The following GSTCD variants were observed in gnomAD, a reference collection of about 807,000 sequenced individuals.
GSTCD encodes the protein glutathione S-transferase C-terminal domain-containing protein.
In GSTCD, 44 loss-of-function variants were observed where a neutral mutation model predicts 68.3. The observed-to-expected ratio is 0.64, with a 90% CI of 0.51 to 0.83. The LOEUF is 0.83. Ranked by LOEUF, GSTCD falls within the 40% of genes least tolerant of loss-of-function variation. GSTCD has a pLI of 0.00. For synonymous variants in GSTCD, 273 were observed against 255.2 expected, an observed-to-expected ratio of 1.07 and a Z score of -0.67; for missense variants, 739 against 735.9, an observed-to-expected ratio of 1.00 and a Z score of -0.05.
intron 3 of GSTCD, among the ~76,000 whole-genome samples, chr4:105,721,544 A>G (rs570154629): frequency 1.3e-5 from 2 of 152,332 alleles, no homozygotes; most frequent in Admixed American, 6.5e-5. Flanking sequence ...GGTTTGAATT[A>G]CTAAGGGTCA....
intron 5 of GSTCD, among the ~76,000 whole-genome samples, chr4:105,817,463 T>C (rs1723054359): frequency 1.3e-5 from 2 of 151,928 alleles, no homozygotes. Context: ...GATGATTTCA[T>C]AGACTGAACT....
intron 5 of GSTCD, among the ~76,000 whole-genome samples, chr4:105,733,389 A>C (rs1733328408): frequency 6.6e-6 from 1 of 152,196 alleles, no homozygotes; most frequent in Admixed American, 6.5e-5. Flanking sequence ...GGGTGCATAT[A>C]TATTTAGGAT....
At chr4:105,718,798 G>C (rs1345980104) in intron 2 of GSTCD, among the ~76,000 whole-genome samples, 1 of 152,124 alleles carries the variant, frequency 6.6e-6, no homozygotes, top group Non-Finnish European at 1.5e-5. Flanking sequence ...GGGGCTAGGA[G>C]GAGGGTAGGA....
chr4:105,736,336 T>C (rs916510338), intron 5 of GSTCD, among the ~76,000 whole-genome samples: 11 of 152,182 alleles, frequency 7.2e-5, no homozygotes, highest in Admixed American at 2.6e-4. Context: ...TTGTGGGGCT[T>C]GGATTAAGGG....
intron 5 of GSTCD, among the ~76,000 whole-genome samples, chr4:105,803,034 A>G (rs187608363): frequency 6.6e-6 from 1 of 152,244 alleles, no homozygotes; most frequent in East Asian, 1.9e-4. Flanking sequence ...ATTTCTCACA[A>G]TAGTCCTACA....
chr4:105,845,097 A>C (rs1724496516), intron 11 of GSTCD, among the ~76,000 whole-genome samples: 1 of 152,212 alleles, frequency 6.6e-6, no homozygotes, highest in Non-Finnish European at 1.5e-5. Context: ...CAGATAATCT[A>C]GTTTTATAGG....
At chr4:105,758,035 C>T (rs902028191) in intron 5 of GSTCD, among the ~76,000 whole-genome samples, 41 of 152,158 alleles carry the variant, frequency 2.7e-4, no homozygotes, top group African/African-American at 8.9e-4. Flanking sequence ...AATTCAGCTA[C>T]TTCACATGGT....
At chr4:105,751,822 GAAAC>G (rs1197107209) in intron 5 of GSTCD, among the ~76,000 whole-genome samples, 2 of 152,102 alleles carry the variant, frequency 1.3e-5, no homozygotes, top group Non-Finnish European at 2.9e-5. Context: ...ACTGAAAACT[GAAAC>G]TAAGTATCTT....
intron 8 of GSTCD, among the ~76,000 whole-genome samples, chr4:105,830,209 AG>A (rs1401578180): frequency 2.0e-5 from 3 of 152,344 alleles, no homozygotes; most frequent in Non-Finnish European, 4.4e-5. Context: ...CAGAACACCA[AG>A]GGTGAACAGA....
chr4:105,812,236 C>G (rs1722783041), intron 5 of GSTCD, among the ~76,000 whole-genome samples: 1 of 152,162 alleles, frequency 6.6e-6, no homozygotes, highest in Non-Finnish European at 1.5e-5. Context: ...TAAATGTTAT[C>G]AAAATCTAGA....
chr4:105,721,614 A>T (rs1389311377), intron 3 of GSTCD, among the ~76,000 whole-genome samples: 4 of 152,212 alleles, frequency 2.6e-5, no homozygotes, highest in African/African-American at 9.6e-5. Flanking sequence ...CCAAAGATGG[A>T]AAACAATAAC....
intron 5 of GSTCD, among the ~76,000 whole-genome samples, chr4:105,735,581 C>T (rs1164318477): frequency 6.6e-6 from 1 of 152,160 alleles, no homozygotes; most frequent in Non-Finnish European, 1.5e-5. Flanking sequence ...GTCACCGCTT[C>T]CCTTGGCTAG....
At chr4:105,720,175 T>C (rs534201625) in intron 3 of GSTCD, among the ~76,000 whole-genome samples, 4 of 152,110 alleles carry the variant, frequency 2.6e-5, no homozygotes, top group Admixed American at 6.5e-5. Flanking sequence ...CTGTCTGTCT[T>C]ACATACACAC....
chr4:105,832,611 C>T (rs1346151305), intron 8 of GSTCD, among the ~76,000 whole-genome samples: 2 of 152,124 alleles, frequency 1.3e-5, no homozygotes, highest in Non-Finnish European at 2.9e-5. Context: ...CATCCTGCCC[C>T]TCAGTAGCTG....
intron 4 of GSTCD, among the ~76,000 whole-genome samples, chr4:105,729,169 A>T (rs1475599125): frequency 6.6e-6 from 1 of 152,126 alleles, no homozygotes; most frequent in African/African-American, 2.4e-5. Flanking sequence ...TAATAATTTT[A>T]AAATAGCATT....
At chr4:105,841,863 A>G (rs1724357004) in intron 10 of GSTCD, among the ~76,000 whole-genome samples, 2 of 152,178 alleles carry the variant, frequency 1.3e-5, no homozygotes, top group Admixed American at 1.3e-4. Context: ...AAACAAAAAA[A>G]TACAGTGTAC....
chr4:105,827,917 G>A (rs936301570), intron 8 of GSTCD, among the ~76,000 whole-genome samples: 2 of 151,920 alleles, frequency 1.3e-5, no homozygotes, highest in Non-Finnish European at 2.9e-5. Context: ...TATAATATGT[G>A]TATTAATACC....
At chr4:105,842,275 AC>A in intron 11 of GSTCD, 141 bp downstream of exon 11, 1 of 649,460 alleles carries the variant, frequency 1.5e-6, no homozygotes, top group Non-Finnish European at 2.7e-6. Flanking sequence ...TCCCAAAAAA[AC>A]TTAATTCATA....
chr4:105,749,159 A>G (rs1006525470), intron 5 of GSTCD, among the ~76,000 whole-genome samples: 2 of 106,802 alleles, frequency 1.9e-5, no homozygotes, highest in Non-Finnish European at 4.0e-5. Context: ...ATGAAATATT[A>G]AAAGGTTTAA....
Sources: allele counts gnomAD v4.1 joint callset (sites outside exome capture counted in the v4.1 genomes callset), GRCh38; gene constraint gnomAD v4.1.1; transcripts MANE v1.5; gene names NCBI Gene and HGNC (gene_info 2026-07-23, HGNC 2026-07-21).